HTT: variants seen among roughly 807,000 people sequenced by gnomAD.
HTT encodes the protein huntington disease protein.
HTT carries 104 observed loss-of-function variants against 362.3 expected under a neutral mutation model. The observed-to-expected ratio is 0.29, with a 90% CI of 0.24 to 0.34. HTT has a LOEUF of 0.34. Ranked by LOEUF, HTT falls within the 10% of genes least tolerant of loss-of-function variation. HTT has a pLI of 1.00. For synonymous variants in HTT, 1,577 were observed against 1,548.7 expected (o/e 1.02, Z -0.43); for missense variants, 3,301 against 3,928.6 (o/e 0.84, Z 4.27).
At chr4:3,226,357 A>C (rs1720914863) in intron 57 of HTT, among the ~76,000 whole-genome samples, 1 of 152,094 alleles carries the variant, frequency 6.6e-6, no homozygotes, top group Admixed American at 6.5e-5. Context: ...GTAATCTATA[A>C]CATTTTAGGA....
chr4:3,105,883 A>G (rs1469591347), intron 5 of HTT, among the ~76,000 whole-genome samples: 2 of 152,228 alleles, frequency 1.3e-5, no homozygotes, highest in African/African-American at 4.8e-5. Context: ...CACTGTGAAT[A>G]GTTTGGTTTA....
intron 64 of HTT, among the ~76,000 whole-genome samples, chr4:3,236,876 C>A (rs764712518): frequency 2.6e-5 from 4 of 152,046 alleles, no homozygotes; most frequent in African/African-American, 4.8e-5. Context: ...GATTTGCTCT[C>A]AGGCCTCAGT....
intron 29 of HTT, among the ~76,000 whole-genome samples, chr4:3,166,169 C>T (rs1326405876): frequency 9.2e-5 from 14 of 152,178 alleles, no homozygotes; most frequent in South Asian, 2.1e-4. Context: ...CAGACAGGCC[C>T]CTCAGCTGCA....
rs1044515683 is a variant in HTT at position 3,173,228 on chromosome 4, C to T, written c.4166+97C>T. ...AATAAAAACGAAAAATGTTAGCGAA[C>T]ATCTTCTAATAGTCTGCTGTATTCA... On this transcript the variant is annotated intron_variant, in intron 31 of 66. Coordinates refer to ENST00000355072, the MANE Select transcript of HTT (RefSeq NM_001388492.1). The T allele has an allele frequency of 3.2e-5, 29 of 907,274 alleles. No homozygotes were observed. In the Admixed American group the frequency reaches 5.6e-4, roughly 18 times the overall value. 56.2% of individuals were successfully genotyped at this position (907,274 alleles called of 1,614,324 possible). A position where few individuals can be genotyped will look rare whatever the true frequency, so the allele number is the denominator to read the frequency against.
At chr4:3,162,142 G>A (rs563181300) in intron 29 of HTT, among the ~76,000 whole-genome samples, 1 of 152,236 alleles carries the variant, frequency 6.6e-6, no homozygotes, top group Non-Finnish European at 1.5e-5. Context: ...TCTGCATGTG[G>A]CTAGCCAGTT....
intron 47 of HTT, among the ~76,000 whole-genome samples, chr4:3,210,807 G>T (rs181073862): frequency 2.0e-5 from 3 of 152,106 alleles, no homozygotes; most frequent in African/African-American, 7.2e-5. Flanking sequence ...GAGACCTTGT[G>T]GGGAGGGCAA....
chr4:3,202,259 C>T (rs370636337), intron 41 of HTT, among the ~76,000 whole-genome samples: 13 of 152,210 alleles, frequency 8.5e-5, no homozygotes, highest in African/African-American at 1.4e-4. Context: ...CAGTACCGGG[C>T]GGTGTATGGC....
chr4:3,164,312 C>T (rs1033885710), intron 29 of HTT, among the ~76,000 whole-genome samples: 1 of 152,148 alleles, frequency 6.6e-6, no homozygotes, highest in Non-Finnish European at 1.5e-5. Flanking sequence ...GATTTCTGTT[C>T]TTTTACATTT....
intron 8 of HTT, among the ~76,000 whole-genome samples, 190 bp from the exon 9 acceptor site, chr4:3,121,038 A>G (rs1032775825): frequency 6.6e-6 from 1 of 152,232 alleles, no homozygotes; most frequent in Non-Finnish European, 1.5e-5. Context: ...ATATAACAAA[A>G]AATCATGGGA....
intron 3 of HTT, among the ~76,000 whole-genome samples, chr4:3,101,051 T>C (rs1431334373): frequency 6.6e-6 from 1 of 152,212 alleles, no homozygotes; most frequent in Non-Finnish European, 1.5e-5. Flanking sequence ...GTTCTTGATA[T>C]TTGATCCTCA....
At chr4:3,082,296 T>G (rs1302866660) in intron 1 of HTT, among the ~76,000 whole-genome samples, 1 of 151,264 alleles carries the variant, frequency 6.6e-6, no homozygotes, top group Non-Finnish European at 1.5e-5. Context: ...CTCTCTACCT[T>G]GAGAAGTCCC....
intron 57 of HTT, among the ~76,000 whole-genome samples, chr4:3,226,232 C>T (rs1163796828): frequency 6.6e-6 from 1 of 151,972 alleles, no homozygotes; most frequent in Non-Finnish European, 1.5e-5. Context: ...GGTGGGAGCC[C>T]CGTGTGCAGG....
At chr4:3,093,202 G>C (rs1713610554) in intron 2 of HTT, among the ~76,000 whole-genome samples, 1 of 152,180 alleles carries the variant, frequency 6.6e-6, no homozygotes. Context: ...GAAAGGATTA[G>C]AAGGAACAGT....
At position 3,206,546 on chromosome 4, in the gene HTT, C is replaced by T. The variant is rs1719862276; in HGVS notation, c.5769C>T (p.His1923=). ...ACTTAACGTGGCTCATTGTAAATCACATTCAAGATCTGATCAGCCTTTCCC... is the reference window on the plus strand; with the variant it reads ...ACTTAACGTGGCTCATTGTAAATCATATTCAAGATCTGATCAGCCTTTCCC... The part of the protein sequence containing the change: ...SEHLTWLIVN[H]IQDLISLSHE... The change falls in exon 43 of 67, where the codon CAC becomes CAT. Residue 1923 remains histidine (H), a synonymous_variant. Coordinates refer to ENST00000355072, the MANE Select transcript of HTT (RefSeq NM_001388492.1). This position sits in a 1 kb window ranked among gnomAD's most constrained non-coding sequence, Gnocchi z 4.6. 2 of 1,613,974 alleles carry T rather than the reference C, an allele frequency of 1.2e-6. No homozygotes were observed. Among genetic ancestry groups the T allele is most frequent in the African/African-American group, 1.3e-5 (1 of 74,922 alleles).
At chr4:3,084,749 C>T (rs1378940140) in intron 1 of HTT, among the ~76,000 whole-genome samples, 1 of 150,640 alleles carries the variant, frequency 6.6e-6, no homozygotes, top group Non-Finnish European at 1.5e-5. Context: ...TGTGGTGGCT[C>T]ACACCTGTAA....
chr4:3,176,063 T>C (rs566037757), intron 33 of HTT, among the ~76,000 whole-genome samples: 3 of 149,558 alleles, frequency 2.0e-5, no homozygotes, highest in Admixed American at 6.7e-5. Flanking sequence ...AGTCTCGCTC[T>C]GTCACCCAGG....
intron 1 of HTT, among the ~76,000 whole-genome samples, chr4:3,078,358 G>A (rs1284290275): frequency 1.3e-5 from 2 of 152,226 alleles, no homozygotes; most frequent in East Asian, 3.8e-4. Flanking sequence ...TAGACAGTAA[G>A]CAAGATAGAT....
intron 37 of HTT, among the ~76,000 whole-genome samples, chr4:3,185,853 G>A (rs542457915): frequency 1.5e-4 from 23 of 152,190 alleles, no homozygotes; most frequent in African/African-American, 5.3e-4. Context: ...GTGCGCCACT[G>A]CACTCCTGGG....
At chr4:3,076,043 G>T (rs553547705) in intron 1 of HTT, among the ~76,000 whole-genome samples, 1 of 152,296 alleles carries the variant, frequency 6.6e-6, no homozygotes, top group African/African-American at 2.4e-5. Flanking sequence ...AGGCTTGCCA[G>T]AATACGGGGG....
Sources: allele counts gnomAD v4.1 joint callset (sites outside exome capture counted in the v4.1 genomes callset), GRCh38; gene constraint gnomAD v4.1.1; non-coding constraint Gnocchi (gnomAD v3.1); transcripts MANE v1.5; gene names NCBI Gene and HGNC (gene_info 2026-07-23, HGNC 2026-07-21).